MUTYH: variants seen among roughly 807,000 people sequenced by gnomAD.
The protein encoded by MUTYH is adenine DNA glycosylase.
Under a neutral mutation model 72.9 loss-of-function variants are expected in MUTYH, and 64 were observed. That is an observed-to-expected ratio of 0.88 (90% CI 0.72 to 1.08). The LOEUF is 1.08. Ranked by LOEUF, MUTYH falls within the 50% of genes least tolerant of loss-of-function variation. The pLI is 0.00. For missense variants in MUTYH, 633 were observed against 671.0 expected, an observed-to-expected ratio of 0.94 and a Z score of 0.63; for synonymous variants, 234 against 263.1, an observed-to-expected ratio of 0.89 and a Z score of 1.07.
chr1:45,334,660 C>T, intron 1 of MUTYH, 149 bp from the exon 2 acceptor site: 4 of 1,234,062 alleles, frequency 3.2e-6, no homozygotes, highest in African/African-American at 1.5e-5. Context: ...CGGGTTTACT[C>T]TTGGCTGGCT....
At chr1:45,334,252 G>C in intron 2 of MUTYH, 139 bp downstream of exon 2, 1 of 1,330,828 alleles carries the variant, frequency 7.5e-7, no homozygotes, top group Non-Finnish European at 1.1e-6. Context: ...GCCTCCCAAA[G>C]TGCTGGGATT....
chr1:45,337,902 A>G (rs909091289), intron 1 of MUTYH, among the ~76,000 whole-genome samples: 6 of 152,260 alleles, frequency 3.9e-5, no homozygotes, highest in African/African-American at 1.2e-4. Context: ...AGTAAATTCC[A>G]TAAGATGTTA....
rs587782730 is a variant in MUTYH at position 45,332,916 on chromosome 1, A to G, written c.420+2T>C. On this transcript the variant is annotated splice_donor_variant, in intron 6 of 15. Coordinates refer to ENST00000456914, the MANE Select transcript of MUTYH (RefSeq NM_001048174.2). LOFTEE classifies it high-confidence loss of function. ...TTTCCCCTACCCTAGGGTGGCTCTC[A>G]CCTCCAGGGAAGCACTGGCCAGGTC... is the stretch of plus-strand genomic sequence containing the variant. The G allele has an allele frequency of 6.2e-7, 1 of 1,614,044 alleles. No homozygotes were observed. The highest frequency in any genetic ancestry group is 8.5e-7 in the Non-Finnish European group (1 of 1,179,990).
intron 14 of MUTYH, among the ~76,000 whole-genome samples, chr1:45,330,768 G>A (rs1028717594): frequency 2.9e-4 from 44 of 152,062 alleles, no homozygotes; most frequent in African/African-American, 8.5e-4. Context: ...TGGCCAACAT[G>A]GTGAAACCCC....
In MUTYH at chr1:45,331,524, C is replaced by T. The variant is rs876660539; in HGVS notation, c.1135G>A (p.Val379Met). 4.3e-6 allele frequency: 7 copies of T among 1,614,064 alleles called. No individual in the cohort carries two copies. The highest frequency in any genetic ancestry group is 1.7e-4 in the Middle Eastern group (1 of 6,060). ...AGCTGCTCTGAGGGCTCCCAGGTCA[C>T]GGACGGGAACTCCCACAGTCCTGCC... ...LLAGLWEFPS[V>M]TWEPSEQLQR... Residue 379 changes from valine (V) to methionine (M), a missense_variant, in exon 13 of 16, where the codon GTG becomes ATG. Val to Met is a conservative substitution (Grantham distance 21). Transcript: ENST00000456914.
At chr1:45,330,696 TC>T in intron 14 of MUTYH, 139 bp from the exon 15 acceptor site, 1 of 1,077,348 alleles carries the variant, frequency 9.3e-7, no homozygotes, top group Non-Finnish European at 1.4e-6. Flanking sequence ...ACGCCTATAA[TC>T]CCAGCATTTT....
At chr1:45,340,187 G>C (rs1470256251), upstream of MUTYH, 1 of 1,613,014 alleles carries the variant, frequency 6.2e-7, no homozygotes. Context: ...TGCCTGAACC[G>C]CGCCAGGAGA....
In MUTYH at chr1:45,332,325, C is replaced by T; in HGVS notation, c.705-15G>A. 6.2e-7 allele frequency: 1 copy of T among 1,614,150 alleles called. No homozygotes were observed. Among genetic ancestry groups the T allele is most frequent in the Non-Finnish European group, 8.5e-7 (1 of 1,180,026 alleles). ...GGGCTAGACCCCTAAAAGAAGGGAA[C>T]ACTGCTGTGAAGCAGAGCTCCTTTG... On this transcript the variant is annotated splice_polypyrimidine_tract_variant and intron_variant, in intron 9 of 15. Coordinates refer to ENST00000456914, the MANE Select transcript of MUTYH (RefSeq NM_001048174.2).
rs1047967346 is a variant in MUTYH at position 45,329,571 on chromosome 1, T to C, written c.1435-134A>G. On this transcript the variant is annotated intron_variant, in intron 15 of 15. Coordinates refer to ENST00000456914, the MANE Select transcript of MUTYH (RefSeq NM_001048174.2). ...AGCCTGGAATGCTGTAGAGCTTTCA[T>C]CCTGCCTCAAGTATCTGCCCCATCA... 14 of 1,259,008 alleles carry C rather than the reference T, an allele frequency of 1.1e-5. No individual in the cohort carries two copies. The African/African-American group carries it at 1.5e-4, about 13-fold the overall frequency. 78.0% of individuals were successfully genotyped at this position (1,259,008 alleles called of 1,614,324 possible). A position where few individuals can be genotyped will look rare whatever the true frequency, so the allele number is the denominator to read the frequency against.
rs587781668 is a variant in MUTYH at position 45,330,551 on chromosome 1, G to A, written c.1399C>T (p.Arg467Cys). 33 of 1,608,484 alleles carry A rather than the reference G, an allele frequency of 2.1e-5. 1 individual carries two copies. Among genetic ancestry groups the A allele is most frequent in the South Asian group, 1.1e-4 (10 of 89,898 alleles). Residue 467 changes from arginine (R) to cysteine (C), a missense_variant, in exon 15 of 16, where the codon CGT (arginine) becomes TGT (cysteine). Coordinates refer to ENST00000456914, the MANE Select transcript of MUTYH (RefSeq NM_001048174.2). ...CCTGGCTGTTGGCCCTGATACACAC[G>A]GAAAACCTAGACAAGAAGACAGGGA... ...AVSTAMKKVF[R>C]VYQGQQPGTC...
intron 1 of MUTYH, among the ~76,000 whole-genome samples, chr1:45,339,367 T>A (rs1646545665): frequency 6.6e-6 from 1 of 151,964 alleles, no homozygotes; most frequent in East Asian, 1.9e-4. Context: ...GCCCGCACCA[T>A]ACCCAGCTAA....
chr1:45,330,976 TCAGGAAGCTGAGG>T (rs1328646596), intron 14 of MUTYH, among the ~76,000 whole-genome samples, 193 bp downstream of exon 14: 12 of 152,020 alleles, frequency 7.9e-5, no homozygotes, highest in African/African-American at 2.9e-4. Flanking sequence ...TCCGAGCTAC[TCAGGAAGCTGAGG>T]CAGGAGAATC....
upstream of MUTYH, chr1:45,340,435 G>C: frequency 6.6e-7 from 1 of 1,519,074 alleles, no homozygotes; most frequent in Non-Finnish European, 8.8e-7. Flanking sequence ...GCCACGAGGA[G>C]ACTACAAGTT....
In MUTYH at chr1:45,333,273, A is replaced by C. The variant is rs1434652748; in HGVS notation, c.304+12T>G. On this transcript the variant is annotated intron_variant, in intron 4 of 15. Coordinates refer to ENST00000456914, the MANE Select transcript of MUTYH (RefSeq NM_001048174.2). ...GAGGCAAAGTGGCCCTGCTCTCAGG[A>C]GATGTACTGACCAGCATATGCCCGC... is the stretch of plus-strand genomic sequence containing the variant. 1.9e-6 allele frequency: 3 copies of C among 1,614,158 alleles called. No homozygotes were observed. Among genetic ancestry groups the C allele is most frequent in the Non-Finnish European group, 1.7e-6 (2 of 1,180,012 alleles).
In MUTYH at chr1:45,333,294, C is replaced by T. The variant is rs746112825; in HGVS notation, c.295G>A (p.Ala99Thr). The stretch of plus-strand genomic sequence containing the variant: ...CAGGAGATGTACTGACCAGCATATG[C>T]CCGCCTGTCCAGGTCCATCTCATCT... ...AEDEMDLDRR[A>T]YAVWVSEVML... Residue 99 changes from alanine (A) to threonine (T), a missense_variant, in exon 4 of 16, where the codon GCA (alanine) becomes ACA (threonine). Coordinates refer to ENST00000456914, the MANE Select transcript of MUTYH (RefSeq NM_001048174.2). The T allele has an allele frequency of 2.0e-5, 33 of 1,614,204 alleles. No homozygotes were observed. The highest frequency in any genetic ancestry group is 2.5e-5 in the Non-Finnish European group (30 of 1,180,030).
intron 5 of MUTYH, 64 bp downstream of exon 5, chr1:45,333,033 C>G: frequency 6.2e-7 from 1 of 1,612,994 alleles, no homozygotes. Flanking sequence ...CTACACCCAC[C>G]CCAAAGTAGA....
At chr1:45,340,064 C>T, upstream of MUTYH, 2 of 1,544,140 alleles carry the variant, frequency 1.3e-6, no homozygotes, top group South Asian at 1.2e-5. Flanking sequence ...GCAGCACAGG[C>T]CAATAGGCAA....
At chr1:45,338,152 C>T (rs1646204877) in intron 1 of MUTYH, 1 of 511,820 alleles carries the variant, frequency 2.0e-6, no homozygotes, top group Non-Finnish European at 3.8e-6. Context: ...AGAAGTAAAC[C>T]AGATGAGGTG....
At chr1:45,331,126 C>T (rs576411129) in intron 14 of MUTYH, 56 bp downstream of exon 14, 7 of 1,606,832 alleles carry the variant, frequency 4.4e-6, no homozygotes, top group Non-Finnish European at 6.0e-6. Context: ...GTAATATATT[C>T]ATGTAGAACA....
Sources: allele counts gnomAD v4.1 joint callset (sites outside exome capture counted in the v4.1 genomes callset), GRCh38; gene constraint gnomAD v4.1.1; transcripts MANE v1.5; gene names NCBI Gene and HGNC (gene_info 2026-07-23, HGNC 2026-07-21).